MYB: variants seen among roughly 807,000 people sequenced by gnomAD.
MYB encodes MYB proto-oncogene, transcription factor.
A neutral mutation model predicts 92.9 loss-of-function variants in MYB; 28 were observed. The ratio of observed to expected loss-of-function variants is 0.30; its 90% CI spans 0.22 to 0.41. The LOEUF is 0.41. Ranked by LOEUF, MYB falls within the 10% of genes least tolerant of loss-of-function variation. MYB has a pLI of 1.00. For synonymous variants in MYB, 295 were observed against 329.1 expected (o/e 0.90, Z 1.12); for missense variants, 679 against 929.3 (o/e 0.73, Z 3.50).
At chr6:135,203,382 T>TTGGTGG (rs56247805) in intron 15 of MYB, 58 bp downstream of exon 15, 76 of 1,117,752 alleles carry the variant, frequency 6.8e-5, no homozygotes, top group African/African-American at 4.7e-4. Flanking sequence ...ACTGTCATCT[T>TTGGTGG]TGGTGGTGGT....
chr6:135,203,111 C>A, intron 14 of MYB, 106 bp from the exon 15 acceptor site: 1 of 832,456 alleles, frequency 1.2e-6, no homozygotes. Flanking sequence ...TTTTTTTATG[C>A]TAATGTGTAT....
chr6:135,181,433 G>T lies in MYB; in HGVS notation c.-81G>T. Reference sequence around the variant, plus strand: ...CGCCGCTGCGCAGCCGGGGAGGGACGCAGGCAGGCGGCGGGCAGCGGGAGG... The same window carrying T: ...CGCCGCTGCGCAGCCGGGGAGGGACTCAGGCAGGCGGCGGGCAGCGGGAGG... On this transcript the variant is annotated 5_prime_UTR_variant, in exon 1 of 16. Transcript: ENST00000341911. The surrounding 1 kb of genome is among the most constrained non-coding windows in gnomAD (Gnocchi z 5.3). The T allele has an allele frequency of 1.0e-6, 1 of 996,210 alleles. No individual in the cohort carries two copies. The allele number at this position is 996,210 out of a possible 1,614,324, so 61.7% of individuals were successfully genotyped here.
chr6:135,212,224 CTTTTTTTTTTTTTT>C (rs545704827), intron 15 of MYB, among the ~76,000 whole-genome samples: 30 of 32,888 alleles, frequency 9.1e-4, no homozygotes, highest in East Asian at 4.5e-3. Flanking sequence ...TTTGGTTTTA[CTTTTTTTTTTTTTT>C]TTTTTTTTTT....
At chr6:135,214,270 A>G (rs1780130972) in intron 15 of MYB, among the ~76,000 whole-genome samples, 1 of 152,098 alleles carries the variant, frequency 6.6e-6, no homozygotes, top group African/African-American at 2.4e-5. Flanking sequence ...ATGAGGCCCT[A>G]TATCTAAAAA....
rs1776437100 is a variant in MYB, at chr6:135,190,026, A to G, written c.307-101A>G. On this transcript the variant is annotated intron_variant, in intron 4 of 15. Transcript: ENST00000341911. This position sits in a 1 kb window ranked among gnomAD's most constrained non-coding sequence, Gnocchi z 4.5. ...CCATATTTCCAGTGAATGAAAGCAA[A>G]TTTTGGAAATTTTCTAAAGATCTTG... 1 of 1,473,592 alleles carries G rather than the reference A, an allele frequency of 6.8e-7. No individual in the cohort carries two copies. The highest frequency in any genetic ancestry group is 9.2e-7 in the Non-Finnish European group (1 of 1,083,312). The allele number at this position is 1,473,592 out of a possible 1,614,324, so 91.3% of individuals were successfully genotyped here.
chr6:135,198,312 C>CA (rs1777611773), intron 10 of MYB, among the ~76,000 whole-genome samples: 1 of 152,154 alleles, frequency 6.6e-6, no homozygotes, highest in Non-Finnish European at 1.5e-5. Context: ...CAGGCCTTCT[C>CA]AGAGTTATTA....
chr6:135,203,565 T>C (rs1011716565), intron 15 of MYB: 56 of 718,552 alleles, frequency 7.8e-5, no homozygotes, highest in Non-Finnish European at 1.8e-5. Flanking sequence ...CCCCAAAGCA[T>C]GATGAAATGA....
chr6:135,203,627 C>A, intron 15 of MYB: 1 of 1,038,620 alleles, frequency 9.6e-7, no homozygotes, highest in Non-Finnish European at 1.4e-6. Flanking sequence ...GTGTCACTAT[C>A]TTCTTCTGCC....
chr6:135,193,661 C>A lies in MYB; in HGVS notation c.763-177C>A, dbSNP rs74808650. 1.5e-3 allele frequency among the ~76,000 whole-genome samples: 234 copies of A among 152,102 alleles called. 1 individual carries two copies. The South Asian group carries it at 0.023, about 15-fold the overall frequency. On this transcript the variant is annotated intron_variant, in intron 6 of 15. Transcript: ENST00000341911. Reference sequence around the variant, plus strand: ...TCACCATGTTCCTTTAGCTGTTTAGCCATTTTAAAGGCCTGGCTAAATTTC... The same window carrying A: ...TCACCATGTTCCTTTAGCTGTTTAGACATTTTAAAGGCCTGGCTAAATTTC...
rs375289888 is a variant in MYB at position 135,208,972 on chromosome 6, T to C, written c.2169+5648T>C. ...CTTCTACAGTGATGTGAAGGAAATA[T>C]CTAATATGCTGCTATCCACTATGAT... On this transcript the variant is annotated intron_variant, in intron 15 of 15. Transcript: ENST00000341911. Among the ~76,000 whole-genome samples, 9 of 152,338 alleles carry C rather than the reference T, an allele frequency of 5.9e-5. No homozygotes were observed. The East Asian group carries it at 1.7e-3, about 29-fold the overall frequency.
rs545704827 is a variant in MYB at position 135,212,224 on chromosome 6, C to CTTTTTTTTTTTTTTTTTTTTTTTTTTTTT, written c.2170-5635_2170-5607dup. Among the ~76,000 whole-genome samples the CTTTTTTTTTTTTTTTTTTTTTTTTTTTTT allele has an allele frequency of 2.4e-4, 8 of 32,886 alleles. 1 individual carries two copies. The highest frequency in any genetic ancestry group is 3.2e-4 in the Non-Finnish European group (6 of 18,714). The allele number at this position is 32,886 out of a possible 152,430, so 21.6% of individuals were successfully genotyped here. A position where few individuals can be genotyped will look rare whatever the true frequency, so the allele number is the denominator to read the frequency against. On this transcript the variant is annotated intron_variant, in intron 15 of 15. Coordinates refer to ENST00000341911, the MANE Select transcript of MYB (RefSeq NM_001130173.2). ...CATCTGATGAGTTGCTTTGGTTTTA[C>CTTTTTTTTTTTTTTTTTTTTTTTTTTTTT]TTTTTTTTTTTTTTTTTTTTTTTTT...
chr6:135,197,054 C>A lies in MYB; in HGVS notation c.1297C>A (p.Leu433Ile), dbSNP rs551422462. The A allele has an allele frequency of 6.2e-7, 1 of 1,613,936 alleles. No individual in the cohort carries two copies. Among genetic ancestry groups the A allele is most frequent in the Admixed American group, 1.7e-5 (1 of 60,016 alleles). The change falls in exon 10 of 16, where the codon CTT (leucine) becomes ATT (isoleucine). Residue 433 changes from leucine (L) to isoleucine (I), a missense_variant. Leu to Ile is a conservative substitution (Grantham distance 5). Around this residue, in one of 8 missense-constraint regions of MYB, gnomAD observed 402 missense variants for 434.2 expected, o/e 0.93. Coordinates refer to ENST00000341911, the MANE Select transcript of MYB (RefSeq NM_001130173.2). ...ACATCACACAGGCAAAGCCCTACAGCTTCAGCAAAGAGAGGGCAATGGGAC... is the reference window on the plus strand; with the variant it reads ...ACATCACACAGGCAAAGCCCTACAGATTCAGCAAAGAGAGGGCAATGGGAC... ...SQHHTGKALQ[L>I]QQREGNGTKP...
At chr6:135,208,324 G>A (rs373552200) in intron 15 of MYB, among the ~76,000 whole-genome samples, 2 of 151,514 alleles carry the variant, frequency 1.3e-5, no homozygotes, top group Admixed American at 6.6e-5. Flanking sequence ...TGATCGGCCC[G>A]CCTTGGCCTA....
At chr6:135,206,222 A>AAG (rs1554254436) in intron 15 of MYB, among the ~76,000 whole-genome samples, 1 of 126,938 alleles carries the variant, frequency 7.9e-6, no homozygotes, top group African/African-American at 3.0e-5. Context: ...AAAAAAAAAA[A>AAG]AAAAATAATA....
At chr6:135,217,660 G>A (rs1385146422) in intron 15 of MYB, among the ~76,000 whole-genome samples, 1 of 152,120 alleles carries the variant, frequency 6.6e-6, no homozygotes, top group African/African-American at 2.4e-5. Flanking sequence ...GCTTGGAATG[G>A]GTTTTCCCTC....
intron 12 of MYB, 35 bp from the exon 13 acceptor site, chr6:135,200,255 C>G: frequency 6.2e-7 from 1 of 1,613,860 alleles, no homozygotes; most frequent in Non-Finnish European, 8.5e-7. Context: ...ATTAGGAGTT[C>G]TCTCTGATGC....
intron 15 of MYB, chr6:135,203,536 A>G (rs1778436423): frequency 4.4e-6 from 3 of 680,484 alleles, no homozygotes; most frequent in Non-Finnish European, 2.4e-6. Context: ...CATGCTAGAA[A>G]TTTTTATCAG....
At chr6:135,194,288 C>A in intron 7 of MYB, 68 bp from the exon 8 acceptor site, 1 of 1,209,360 alleles carries the variant, frequency 8.3e-7, no homozygotes, top group Non-Finnish European at 1.2e-6. Flanking sequence ...ACCATATTGG[C>A]TACACCCATT....
At chr6:135,198,198 T>C (rs1037148234) in intron 10 of MYB, among the ~76,000 whole-genome samples, 2 of 152,336 alleles carry the variant, frequency 1.3e-5, no homozygotes, top group South Asian at 4.1e-4. Context: ...TCCTAGCTAC[T>C]GGGGAAGCTA....
Sources: allele counts gnomAD v4.1 joint callset (sites outside exome capture counted in the v4.1 genomes callset), GRCh38; gene constraint gnomAD v4.1.1; regional missense constraint gnomAD v4.1.1; non-coding constraint Gnocchi (gnomAD v3.1); transcripts MANE v1.5; gene names NCBI Gene and HGNC (gene_info 2026-07-23, HGNC 2026-07-21).